Variants in UTP25 observed in about 807,000 individuals in gnomAD.
UTP25 encodes the protein UTP25 small subunit processome component, also known as U3 small nucleolar RNA-associated protein 25 homolog.
UTP25 carries 50 observed loss-of-function variants against 78.9 expected under a neutral mutation model. The ratio of observed to expected loss-of-function variants is 0.63; its 90% CI spans 0.50 to 0.80. The LOEUF is 0.80. UTP25 is among the 30% of genes least tolerant of loss of function. UTP25 has a pLI of 0.00. For synonymous variants in UTP25, 329 were observed against 336.5 expected, an observed-to-expected ratio of 0.98 and a Z score of 0.24; for missense variants, 846 against 911.3, an observed-to-expected ratio of 0.93 and a Z score of 0.92.
At chr1:209,828,926 T>C (rs7536857) in intron 1 of UTP25, among the ~76,000 whole-genome samples, 113,273 of 151,686 alleles carry the variant, frequency 0.75, 42,941 homozygotes, top group African/African-American at 0.82. Flanking sequence ...GCGCCCGCCA[T>C]CACACCCGAT....
intron 7 of UTP25, among the ~76,000 whole-genome samples, chr1:209,840,261 C>G (rs2078158954): frequency 6.6e-6 from 1 of 152,136 alleles, no homozygotes; most frequent in Non-Finnish European, 1.5e-5. Flanking sequence ...TCAGTTAACC[C>G]AAAGCTTTAT....
chr1:209,851,855 A>C lies in UTP25; in HGVS notation c.*408A>C. ...ACATTGCTTGCGAGAACTGGTTATG[A>C]GACATTGGAATACTTCTTGCTGCTA... On this transcript the variant is annotated 3_prime_UTR_variant, in exon 12 of 12. Transcript: ENST00000491415. 6.3e-6 allele frequency: 1 copy of C among 158,646 alleles called. No homozygotes were observed. The highest frequency in any genetic ancestry group is 1.8e-4 in the South Asian group (1 of 5,432). 9.8% of individuals were successfully genotyped at this position (158,646 alleles called of 1,614,324 possible).
intron 11 of UTP25, among the ~76,000 whole-genome samples, chr1:209,847,442 T>G (rs1303780453): frequency 2.0e-5 from 3 of 152,220 alleles, no homozygotes; most frequent in Admixed American, 6.5e-5. Context: ...AGCGTGAGTC[T>G]TCATTGACAC....
rs1208620016 is a variant in UTP25, at chr1:209,830,993, A to G, written c.338A>G (p.Asp113Gly). The change falls in exon 3 of 12, where the codon GAT becomes GGT. Residue 113 changes from aspartate (D) to glycine (G), a missense_variant. By Grantham distance (94) the Asp-to-Gly change is moderately conservative. Coordinates refer to ENST00000491415, the MANE Select transcript of UTP25 (RefSeq NM_014388.7). ...AEMNDEDGGS[D>G]VSVEEEMAAE... ...ATGAACGATGAAGATGGTGGTAGCGATGTCAGTGTGGAAGAAGAGATGGCT... is the reference window on the plus strand; with the variant it reads ...ATGAACGATGAAGATGGTGGTAGCGGTGTCAGTGTGGAAGAAGAGATGGCT... 1 of 1,614,168 alleles carries G rather than the reference A, an allele frequency of 6.2e-7. No individual in the cohort carries two copies. The highest frequency in any genetic ancestry group is 8.5e-7 in the Non-Finnish European group (1 of 1,180,004).
rs776211912 is a variant in UTP25 at position 209,842,325 on chromosome 1, G to T, written c.1546G>T (p.Val516Leu). ...LDSHGVDFSR[V>L]RMWSLNNWSK... ...CTCACATGGGGTAGACTTTTCTCGA[G>T]TGCGGATGTGGAGCCTCAATAATTG... is the stretch of plus-strand genomic sequence containing the variant. Residue 516 changes from valine (V) to leucine (L), a missense_variant, in exon 9 of 12, where the codon GTG (valine) becomes TTG (leucine). Transcript: ENST00000491415. The T allele has an allele frequency of 6.2e-7, 1 of 1,614,094 alleles. No homozygotes were observed. The highest frequency in any genetic ancestry group is 1.1e-5 in the South Asian group (1 of 91,078).
intron 2 of UTP25, 32 bp downstream of exon 2, chr1:209,830,179 G>T: frequency 1.9e-6 from 3 of 1,594,020 alleles, no homozygotes; most frequent in Non-Finnish European, 2.6e-6. Context: ...TTAATAGTTG[G>T]TTTTGGGTTG....
chr1:209,837,826 A>T (rs1214490125), intron 6 of UTP25, among the ~76,000 whole-genome samples: 1 of 152,208 alleles, frequency 6.6e-6, no homozygotes, highest in Non-Finnish European at 1.5e-5. Flanking sequence ...TATCTACATT[A>T]TTCATGATGT....
intron 6 of UTP25, 26 bp from the exon 7 acceptor site, chr1:209,838,883 T>G (rs756600478): frequency 1.2e-6 from 2 of 1,612,706 alleles, no homozygotes; most frequent in South Asian, 2.2e-5. Flanking sequence ...CTTACCCCAC[T>G]AAGGCTGCTG....
chr1:209,837,392 G>A (rs1339590271), intron 6 of UTP25, among the ~76,000 whole-genome samples, 181 bp downstream of exon 6: 1 of 152,192 alleles, frequency 6.6e-6, no homozygotes, highest in Non-Finnish European at 1.5e-5. Context: ...CAGCTTAGTG[G>A]GCTGTTTCTG....
In UTP25 at chr1:209,853,743, G is replaced by T. The variant is rs757179912; in HGVS notation, c.*2296G>T. ...TGGTTTCCATTATTACTATTCACAC[G>T]ACTCCCAAATCTCCAGCTTCTCTGG... On this transcript the variant is annotated 3_prime_UTR_variant, in exon 12 of 12. Transcript: ENST00000491415. 1 of 152,080 alleles carries T rather than the reference G, an allele frequency of 6.6e-6. No individual in the cohort carries two copies. The highest frequency in any genetic ancestry group is 2.4e-5 in the African/African-American group (1 of 41,388). The allele number at this position is 152,080 out of a possible 1,614,324, so 9.4% of individuals were successfully genotyped here. A position where few individuals can be genotyped will look rare whatever the true frequency, so the allele number is the denominator to read the frequency against.
chr1:209,847,036 CGT>C (rs1021413841), intron 11 of UTP25, among the ~76,000 whole-genome samples: 33 of 152,024 alleles, frequency 2.2e-4, no homozygotes, highest in African/African-American at 6.3e-4. Context: ...CACACACACA[CGT>C]GTTTTTTTAA....
chr1:209,842,910 G>GTTA, intron 10 of UTP25: 2 of 562,118 alleles, frequency 3.6e-6, no homozygotes, highest in Non-Finnish European at 6.3e-6. Flanking sequence ...TAGTAGCAGG[G>GTTA]TTATTACTAT....
In UTP25 at chr1:209,855,101, T is replaced by C. The variant is rs146471886; in HGVS notation, c.*3654T>C. 130 of 152,270 alleles carry C rather than the reference T, an allele frequency of 8.5e-4. No homozygotes were observed. Among genetic ancestry groups the C allele is most frequent in the East Asian group, 8.3e-3 (43 of 5,176 alleles). 9.4% of individuals were successfully genotyped at this position (152,270 alleles called of 1,614,324 possible). On this transcript the variant is annotated 3_prime_UTR_variant, in exon 12 of 12. Transcript: ENST00000491415. ...AGATAATCCAAAATTGATGTAAGCA[T>C]TGGAAGGGGAAAGAGGGAACGCTTC...
At chr1:209,829,684 G>A (rs543758645) in intron 1 of UTP25, among the ~76,000 whole-genome samples, 2 of 151,728 alleles carry the variant, frequency 1.3e-5, no homozygotes, top group South Asian at 2.1e-4. Context: ...CAGGGTCTCC[G>A]TATGTTACCC....
Position 209,831,019 on chromosome 1 carries a change from G to C in UTP25, c.364G>C (p.Ala122Pro), listed in dbSNP as rs773066860. The part of the protein sequence containing the change: ...SDVSVEEEMA[A>P]ESTESPENVA... ...TGTCAGTGTGGAAGAAGAGATGGCT[G>C]CAGAGTCTACTGAAAGTCCAGAGAG... The change falls in exon 3 of 12, where the codon GCA (alanine) becomes CCA (proline). Residue 122 changes from alanine (A) to proline (P), a missense_variant. Physicochemically the swap from Ala to Pro is conservative, Grantham distance 27 (BLOSUM62 -1). Coordinates refer to ENST00000491415, the MANE Select transcript of UTP25 (RefSeq NM_014388.7). 1.2e-5 allele frequency: 19 copies of C among 1,613,996 alleles called. No individual in the cohort carries two copies. The highest frequency in any genetic ancestry group is 3.3e-4 in the Middle Eastern group (2 of 6,084).
rs1419042371 is a variant in UTP25, at chr1:209,842,252, T to C, written c.1486-13T>C. The C allele has an allele frequency of 1.2e-6, 2 of 1,612,664 alleles. No individual in the cohort carries two copies. The highest frequency in any genetic ancestry group is 1.7e-6 in the Non-Finnish European group (2 of 1,179,564). On this transcript the variant is annotated splice_polypyrimidine_tract_variant and intron_variant, in intron 8 of 11. Transcript: ENST00000491415. ...TCAGTCAACACTAATGGTAATATTA[T>C]TTCCACTCAAAGCATTTGATGAATC...
Position 209,853,667 on chromosome 1 carries a change from CA to C in UTP25, c.*2221del, listed in dbSNP as rs1394771892. Reference sequence around the variant, plus strand: ...GCCGCCACGCCTGGCCAATTACCTACATCTTTTTCTACTGCCATATTCTTTT... The same window carrying C: ...GCCGCCACGCCTGGCCAATTACCTACTCTTTTTCTACTGCCATATTCTTTT... On this transcript the variant is annotated 3_prime_UTR_variant, in exon 12 of 12. Coordinates refer to ENST00000491415, the MANE Select transcript of UTP25 (RefSeq NM_014388.7). 9 of 152,228 alleles carry C rather than the reference CA, an allele frequency of 5.9e-5. No homozygotes were observed. Among genetic ancestry groups the C allele is most frequent in the Admixed American group, 5.9e-4 (9 of 15,282 alleles). 9.4% of individuals were successfully genotyped at this position (152,228 alleles called of 1,614,324 possible).
intron 10 of UTP25, chr1:209,843,147 GGACTGAGT>G (rs992083320): frequency 2.1e-5 from 9 of 432,366 alleles, no homozygotes; most frequent in Middle Eastern, 6.5e-4. Flanking sequence ...GTTGACTGTT[GGACTGAGT>G]GACTGAGTGA....
chr1:209,840,935 G>C lies in UTP25; in HGVS notation c.1365G>C (p.Leu455Phe), dbSNP rs2078163700. The change falls in exon 8 of 12, where the codon TTG becomes TTC. Residue 455 changes from leucine to phenylalanine, a missense_variant. Transcript: ENST00000491415. ...SDILIASPLG[L>F]RTIIGGEGEK... ...TCCTCATTGCTTCCCCCCTGGGCTTGAGGACCATCATTGGTGGAGAAGGAG... is the reference window on the plus strand; with the variant it reads ...TCCTCATTGCTTCCCCCCTGGGCTTCAGGACCATCATTGGTGGAGAAGGAG... 3.7e-6 allele frequency: 6 copies of C among 1,613,936 alleles called. No individual in the cohort carries two copies. Among genetic ancestry groups the C allele is most frequent in the Non-Finnish European group, 4.2e-6 (5 of 1,179,984 alleles).
Sources: gnomAD v4.1 joint callset for allele counts (sites outside exome capture counted in the v4.1 genomes callset) on GRCh38, gnomAD v4.1.1 for gene constraint, MANE v1.5 for transcripts, NCBI Gene and HGNC (gene_info 2026-07-23, HGNC 2026-07-21) for gene names.